PPP4R3B: variants seen among roughly 807,000 people sequenced by gnomAD.
The protein encoded by PPP4R3B is serine/threonine-protein phosphatase 4 regulatory subunit 3B.
A neutral mutation model predicts 95.4 loss-of-function variants in PPP4R3B; 52 were observed. The ratio of observed to expected loss-of-function variants is 0.54; its 90% confidence interval spans 0.44 to 0.69. The LOEUF (loss-of-function observed/expected upper bound fraction) is 0.69. Among genes scored for constraint, PPP4R3B ranks in the 30% least tolerant of loss-of-function variants. PPP4R3B has a pLI of 0.00. For synonymous variants in PPP4R3B, 407 were observed against 343.9 expected (o/e 1.18, Z -2.03); for missense variants, 1,003 against 1,005.9 (o/e 1.00, Z 0.04).
At chr2:55,589,731 T>A (rs540904533) in intron 4 of PPP4R3B, among the ~76,000 whole-genome samples, 1 of 150,796 alleles carries the variant, frequency 6.6e-6, no homozygotes, top group Non-Finnish European at 1.5e-5. Context: ...CTGGCTAACA[T>A]GGTAAAACCC....
chr2:55,599,396 C>G (rs934080317), intron 3 of PPP4R3B, among the ~76,000 whole-genome samples: 17 of 152,102 alleles, frequency 1.1e-4, no homozygotes, highest in Non-Finnish European at 2.1e-4. Context: ...TGAGATCGCA[C>G]CACTGCACTC....
At position 55,568,782 on chromosome 2, in the gene PPP4R3B, G is replaced by A. The variant is rs1188714117; in HGVS notation, c.1766-419C>T. Reference sequence around the variant, plus strand: ...CAGTGAAGGCAGCTCAGAATCAGTGGGGGCACTGTCATTAAGGTGGGCACA... The same window carrying A: ...CAGTGAAGGCAGCTCAGAATCAGTGAGGGCACTGTCATTAAGGTGGGCACA... On this transcript the variant is annotated intron_variant, in intron 12 of 16. Coordinates refer to ENST00000616407, the MANE Select transcript of PPP4R3B (RefSeq NM_001122964.3). Among the ~76,000 whole-genome samples the A allele has an allele frequency of 2.0e-5, 3 of 152,166 alleles. No homozygotes were observed. The East Asian group carries it at 5.8e-4, about 29-fold the overall frequency.
rs1692113034 is a variant in PPP4R3B at position 55,598,511 on chromosome 2, T to C, written c.826A>G (p.Ile276Val). The C allele has an allele frequency of 6.2e-7, 1 of 1,614,146 alleles. No individual in the cohort carries two copies. The highest frequency in any genetic ancestry group is 1.3e-5 in the African/African-American group (1 of 75,046). ...TCAAAAACAGATGGTGTGGGCAAAA[T>C]GATGTCCTGAATGTACTGTACCCTG... ...TYRVQYIQDI[I>V]LPTPSVFEEN... The change falls in exon 4 of 17, where the codon ATT becomes GTT. Residue 276 changes from isoleucine to valine, a missense_variant. Physicochemically the swap from Ile to Val is conservative, Grantham distance 29. Transcript: ENST00000616407.
chr2:55,604,139 T>C (rs895602701), intron 2 of PPP4R3B, 63 bp from the exon 3 acceptor site: 22 of 1,317,676 alleles, frequency 1.7e-5, no homozygotes, highest in African/African-American at 9.0e-5. Flanking sequence ...AAAGTACAAA[T>C]AGAAATCAAG....
In PPP4R3B at chr2:55,604,130, A is replaced by C. The variant is rs530224211; in HGVS notation, c.199-54T>G. The C allele has an allele frequency of 1.2e-5, 16 of 1,389,876 alleles. No individual in the cohort carries two copies. The African/African-American group carries it at 2.2e-4, about 19-fold the overall frequency. The allele number at this position is 1,389,876 out of a possible 1,614,324, so 86.1% of individuals were successfully genotyped here. ...TCACACTAGAAAAGAGGTATCTACA[A>C]AGTACAAATAGAAATCAAGAGGACT... is the stretch of plus-strand genomic sequence containing the variant. On this transcript the variant is annotated intron_variant, in intron 2 of 16. Coordinates refer to ENST00000616407, the MANE Select transcript of PPP4R3B (RefSeq NM_001122964.3).
chr2:55,597,426 T>C (rs573926958), intron 4 of PPP4R3B, among the ~76,000 whole-genome samples: 2 of 151,944 alleles, frequency 1.3e-5, no homozygotes, highest in South Asian at 2.1e-4. Flanking sequence ...ATCGAGACCA[T>C]CCTGGCTAAA....
chr2:55,585,759 T>C (rs190686317), intron 6 of PPP4R3B, among the ~76,000 whole-genome samples: 1 of 152,332 alleles, frequency 6.6e-6, no homozygotes. Flanking sequence ...GAGGTGATTC[T>C]GAAAACACTC....
Position 55,549,785 on chromosome 2 carries a change from C to T in PPP4R3B, c.*126G>A. ...GAACTAAACTCTCTTAGCTGATATA[C>T]TGTCTTTTGCTACTCCTTGTATATT... On this transcript the variant is annotated 3_prime_UTR_variant, in exon 17 of 17. Coordinates refer to ENST00000616407, the MANE Select transcript of PPP4R3B (RefSeq NM_001122964.3). 1 of 735,598 alleles carries T rather than the reference C, an allele frequency of 1.4e-6. No homozygotes were observed. The highest frequency in any genetic ancestry group is 1.6e-5 in the South Asian group (1 of 62,428). The allele number at this position is 735,598 out of a possible 1,614,324, so 45.6% of individuals were successfully genotyped here. A position where few individuals can be genotyped will look rare whatever the true frequency, so the allele number is the denominator to read the frequency against.
At chr2:55,606,938 G>A (rs777940518) in intron 2 of PPP4R3B, among the ~76,000 whole-genome samples, 12 of 151,796 alleles carry the variant, frequency 7.9e-5, no homozygotes, top group Non-Finnish European at 1.6e-4. Context: ...TCCCATGGTT[G>A]ACAGTTTACA....
intron 2 of PPP4R3B, among the ~76,000 whole-genome samples, chr2:55,608,073 T>C (rs1230305823): frequency 6.6e-6 from 1 of 152,194 alleles, no homozygotes; most frequent in Non-Finnish European, 1.5e-5. Context: ...TGGTGCAATC[T>C]TGGCTCACTG....
intron 1 of PPP4R3B, among the ~76,000 whole-genome samples, chr2:55,616,832 G>A (rs1156740652): frequency 1.3e-5 from 2 of 152,022 alleles, no homozygotes; most frequent in Non-Finnish European, 2.9e-5. Flanking sequence ...TCAGCTCCTA[G>A]GGCGACATCA....
intron 2 of PPP4R3B, among the ~76,000 whole-genome samples, chr2:55,612,772 A>G (rs1032091068): frequency 3.9e-5 from 6 of 152,020 alleles, no homozygotes; most frequent in South Asian, 2.1e-4. Flanking sequence ...GTGAAACCCC[A>G]TCTCTACTAA....
chr2:55,552,588 T>C (rs1685374339), intron 16 of PPP4R3B, among the ~76,000 whole-genome samples: 2 of 152,174 alleles, frequency 1.3e-5, no homozygotes, highest in Admixed American at 6.5e-5. Context: ...GAGATGGGGT[T>C]TCACCATGTT....
chr2:55,564,454 T>C lies in PPP4R3B; in HGVS notation c.2119A>G (p.Lys707Glu), dbSNP rs200847866. ...ATTTCTTCATCCTCTTCCAAGGCTT[T>C]TGCATCTCTGCGAAATCTGTTACTA... is the stretch of plus-strand genomic sequence containing the variant. ...LRSNRFRRDAKALEEDEEMWF... is the reference protein window; with the variant it reads ...LRSNRFRRDAEALEEDEEMWF... The change falls in exon 15 of 17, where the codon AAA becomes GAA. Residue 707 changes from lysine (K) to glutamate (E), a missense_variant. Physicochemically the swap from Lys to Glu is moderately conservative, Grantham distance 56. This residue lies in a region of PPP4R3B where 229 missense variants were observed against 194.7 expected (regional missense o/e 1.18). Coordinates refer to ENST00000616407, the MANE Select transcript of PPP4R3B (RefSeq NM_001122964.3). 3 of 1,612,960 alleles carry C rather than the reference T, an allele frequency of 1.9e-6. No individual in the cohort carries two copies. The highest frequency in any genetic ancestry group is 2.2e-5 in the East Asian group (1 of 44,796).
intron 13 of PPP4R3B, 58 bp downstream of exon 13, chr2:55,568,136 C>A: frequency 8.5e-7 from 1 of 1,173,716 alleles, no homozygotes; most frequent in Non-Finnish European, 1.1e-6. Flanking sequence ...AATTCTTTTA[C>A]ATAAAAAATT....
intron 11 of PPP4R3B, among the ~76,000 whole-genome samples, chr2:55,576,002 G>T (rs368423210): frequency 2.4e-4 from 37 of 152,032 alleles, no homozygotes; most frequent in African/African-American, 8.5e-4. Context: ...CAGACCAATT[G>T]CTCTAACAGC....
At chr2:55,573,337 T>C (rs1688245905) in intron 12 of PPP4R3B, among the ~76,000 whole-genome samples, 1 of 152,114 alleles carries the variant, frequency 6.6e-6, no homozygotes, top group Non-Finnish European at 1.5e-5. Context: ...ATGAAGTAGA[T>C]GTAAAAAAAC....
intron 15 of PPP4R3B, among the ~76,000 whole-genome samples, chr2:55,561,464 C>T (rs180997643): frequency 1.6e-4 from 25 of 152,340 alleles, no homozygotes; most frequent in South Asian, 4.1e-4. Context: ...ATCCTCCAGA[C>T]CCCAGAACAG....
intron 12 of PPP4R3B, among the ~76,000 whole-genome samples, chr2:55,569,318 C>T (rs1687689820): frequency 6.6e-6 from 1 of 152,110 alleles, no homozygotes. Context: ...GAAAGGGAGT[C>T]ACCCTTTCCC....
Sources: gnomAD v4.1 joint callset for allele counts (sites outside exome capture counted in the v4.1 genomes callset) on GRCh38, gnomAD v4.1.1 for gene constraint, gnomAD v4.1.1 regional missense constraint, MANE v1.5 for transcripts, NCBI Gene and HGNC (gene_info 2026-07-23, HGNC 2026-07-21) for gene names.